ARHGAP40: variants seen among roughly 807,000 people sequenced by gnomAD.
ARHGAP40 encodes the protein Rho GTPase activating protein 40, also known as rho GTPase-activating protein 40.
In ARHGAP40, 43 loss-of-function variants were observed where a neutral mutation model predicts 73.5. That is an observed-to-expected ratio of 0.58 (90% confidence interval 0.46 to 0.75). ARHGAP40 has a LOEUF of 0.75. ARHGAP40 is among the 30% of genes least tolerant of loss of function. The pLI is 0.00. For missense variants in ARHGAP40, 734 were observed against 861.8 expected (o/e 0.85, Z 1.86); for synonymous variants, 300 against 352.8 (o/e 0.85, Z 1.68).
At chr20:38,637,563 G>A (rs1317928394) in intron 6 of ARHGAP40, 145 bp from the exon 7 acceptor site, 9 of 491,818 alleles carry the variant, frequency 1.8e-5, no homozygotes, top group East Asian at 7.1e-5. Context: ...CAAGAGGAGC[G>A]GTTTGGGTCC....
intron 1 of ARHGAP40, among the ~76,000 whole-genome samples, chr20:38,619,648 G>A (rs1375764463): frequency 6.9e-6 from 1 of 144,216 alleles, no homozygotes; most frequent in Non-Finnish European, 1.5e-5. Context: ...AAGTGCCCTG[G>A]TAGTGGGGCT....
intron 10 of ARHGAP40, among the ~76,000 whole-genome samples, chr20:38,643,158 AC>A (rs1235325262): frequency 6.6e-6 from 1 of 150,828 alleles, no homozygotes; most frequent in Non-Finnish European, 1.5e-5. Context: ...AAAAAAAAAA[AC>A]AAAAAACAAA....
chr20:38,632,017 G>A (rs1164423807), intron 5 of ARHGAP40, among the ~76,000 whole-genome samples: 2 of 152,014 alleles, frequency 1.3e-5, no homozygotes, highest in Non-Finnish European at 2.9e-5. Flanking sequence ...AGGCTGGAGT[G>A]CAGTGGCAAA....
exon 3 of ARHGAP40, chr20:38,627,089 C>T (rs2088902547): frequency 1.5e-6 from 2 of 1,305,334 alleles, no homozygotes; most frequent in African/African-American, 1.5e-5. Flanking sequence ...AGCTCCTGTC[C>T]ACCCTGACAC....
chr20:38,606,334 T>G (rs575839528), intron 1 of ARHGAP40, among the ~76,000 whole-genome samples: 38 of 152,342 alleles, frequency 2.5e-4, no homozygotes, highest in African/African-American at 8.9e-4. Flanking sequence ...TTATGATACA[T>G]TTTCAGAATA....
intron 3 of ARHGAP40, among the ~76,000 whole-genome samples, chr20:38,627,482 T>C (rs1456327277): frequency 6.8e-6 from 1 of 146,160 alleles, no homozygotes; most frequent in Non-Finnish European, 1.5e-5. Context: ...GGTGTGTGTA[T>C]GTTGGTGTGT....
chr20:38,639,460 C>T, intron 9 of ARHGAP40, 74 bp downstream of exon 9: 1 of 1,261,268 alleles, frequency 7.9e-7, no homozygotes, highest in Non-Finnish European at 1.0e-6. Flanking sequence ...GAGGGGAAGC[C>T]ATGCAAAGGC....
At chr20:38,644,993 G>A (rs1240802646) in intron 11 of ARHGAP40, among the ~76,000 whole-genome samples, 1 of 152,122 alleles carries the variant, frequency 6.6e-6, no homozygotes, top group Non-Finnish European at 1.5e-5. Flanking sequence ...AGCAAGTGAA[G>A]CCCTCTCTGA....
At chr20:38,628,339 C>G (rs2088915715) in intron 3 of ARHGAP40, among the ~76,000 whole-genome samples, 1 of 150,946 alleles carries the variant, frequency 6.6e-6, no homozygotes, top group African/African-American at 2.4e-5. Context: ...GAGCCTCGCT[C>G]TGTCGCCCAG....
chr20:38,618,741 C>T (rs2088857627), intron 1 of ARHGAP40, among the ~76,000 whole-genome samples: 1 of 152,152 alleles, frequency 6.6e-6, no homozygotes, highest in Non-Finnish European at 1.5e-5. Context: ...AGCTTCTCAA[C>T]ATAGCAACCC....
At chr20:38,609,070 G>A (rs2088790077) in intron 1 of ARHGAP40, among the ~76,000 whole-genome samples, 1 of 152,176 alleles carries the variant, frequency 6.6e-6, no homozygotes, top group African/African-American at 2.4e-5. Context: ...CAGCTGATTA[G>A]CAACTGTAAT....
At chr20:38,639,377 G>T (rs775389215) in exon 9 of ARHGAP40, 1 of 1,305,378 alleles carries the variant, frequency 7.7e-7, no homozygotes, top group South Asian at 1.2e-5. Flanking sequence ...GGCCTTCGCC[G>T]TGGTGCCTAG....
At chr20:38,637,276 G>T (rs983289523) in intron 6 of ARHGAP40, among the ~76,000 whole-genome samples, 2 of 152,002 alleles carry the variant, frequency 1.3e-5, no homozygotes, top group African/African-American at 4.8e-5. Flanking sequence ...CTCCCGAGTA[G>T]CTGGGGTTAC....
At chr20:38,633,870 G>C (rs2145608363) in intron 5 of ARHGAP40, among the ~76,000 whole-genome samples, 1 of 152,376 alleles carries the variant, frequency 6.6e-6, no homozygotes, top group South Asian at 2.1e-4. Context: ...GCTGGGGACA[G>C]AGCCGGTGAG....
intron 1 of ARHGAP40, among the ~76,000 whole-genome samples, chr20:38,607,098 A>G (rs117045128): frequency 0.018 from 2,773 of 152,290 alleles, 37 homozygotes; most frequent in Middle Eastern, 0.058. Context: ...GAAATGGGAC[A>G]ATTTGTGTCA....
At chr20:38,628,963 G>C (rs2088920261) in exon 4 of ARHGAP40, 2 of 1,305,090 alleles carry the variant, frequency 1.5e-6, no homozygotes, top group Non-Finnish European at 2.0e-6. Flanking sequence ...CGGTATGAAG[G>C]GGGCCCAGCT....
chr20:38,643,832 A>G lies in ARHGAP40; in HGVS notation c.1491A>G (p.Lys497=), dbSNP rs779818983. 3.8e-6 allele frequency: 5 copies of G among 1,305,476 alleles called. No individual in the cohort carries two copies. In the South Asian group the frequency reaches 6.2e-5, roughly 16 times the overall value. 80.9% of individuals were successfully genotyped at this position (1,305,476 alleles called of 1,614,324 possible). A position where few individuals can be genotyped will look rare whatever the true frequency, so the allele number is the denominator to read the frequency against. Residue 497 remains lysine, a synonymous_variant, in exon 11 of 15, where the codon AAA becomes AAG. Coordinates refer to ENST00000373345, the Ensembl canonical transcript of ARHGAP40. ...AAGGGCGGCCCCCCAAGCTCCCCAAAGGCAAGGAGAAGCAGCTGGCAGAAG... is the reference window on the plus strand; with the variant it reads ...AAGGGCGGCCCCCCAAGCTCCCCAAGGGCAAGGAGAAGCAGCTGGCAGAAG...
At chr20:38,637,675 T>C in intron 6 of ARHGAP40, 33 bp from the exon 7 acceptor site, 1 of 1,299,994 alleles carries the variant, frequency 7.7e-7, no homozygotes, top group Non-Finnish European at 1.0e-6. Context: ...TTCCAAGAAG[T>C]GAAATGTGCC....
chr20:38,603,607 T>A (rs989190262), intron 1 of ARHGAP40, among the ~76,000 whole-genome samples: 1 of 152,198 alleles, frequency 6.6e-6, no homozygotes, highest in Non-Finnish European at 1.5e-5. Flanking sequence ...TCTCTCTCTC[T>A]CATTTATATT....
Sources: gnomAD v4.1 joint callset for allele counts (sites outside exome capture counted in the v4.1 genomes callset) on GRCh38, gnomAD v4.1.1 for gene constraint, MANE v1.5 for transcripts, NCBI Gene and HGNC (gene_info 2026-07-23, HGNC 2026-07-21) for gene names.